WNK1: variants seen among roughly 807,000 people sequenced by gnomAD.
WNK1 encodes the protein serine/threonine-protein kinase WNK1.
WNK1 carries 38 observed loss-of-function variants against 222.8 expected under a neutral mutation model. The observed-to-expected ratio is 0.17, with a 90% CI of 0.13 to 0.22. The LOEUF is 0.22. Among genes scored for constraint, WNK1 ranks in the 10% least tolerant of loss-of-function variants. The pLI, the probability that WNK1 is intolerant of heterozygous loss-of-function variation, is 1.00. For synonymous variants in WNK1, 1,090 were observed against 1,092.9 expected (o/e 1.00, Z 0.05); for missense variants, 2,348 against 2,918.4 (o/e 0.80, Z 4.50).
chr12:785,071 A>G (rs563307471), intron 1 of WNK1, among the ~76,000 whole-genome samples: 3 of 152,178 alleles, frequency 2.0e-5, no homozygotes, highest in South Asian at 2.1e-4. Flanking sequence ...CATTTATTCT[A>G]TTTTCTTCTA....
chr12:810,125 C>T (rs935327660), intron 1 of WNK1, among the ~76,000 whole-genome samples: 1 of 152,048 alleles, frequency 6.6e-6, no homozygotes, highest in African/African-American at 2.4e-5. Context: ...TGGCACACGC[C>T]TGTAATCCCA....
chr12:861,273 A>T lies in WNK1; in HGVS notation c.1881A>T (p.Val627=), dbSNP rs748687867. The stretch of plus-strand genomic sequence containing the variant: ...CTTCAGCTTCAGTTTCTACACAAGT[A>T]GAACCTGAAGAACCTGAGGCAGATC... The part of the protein sequence containing the change: ...STTSASVSTQ[V]EPEEPEADQH... Residue 627 remains valine, a synonymous_variant, in exon 7 of 28, where the codon GTA becomes GTT. Transcript: ENST00000315939. The T allele has an allele frequency of 9.9e-6, 16 of 1,614,082 alleles. No individual in the cohort carries two copies. Among genetic ancestry groups the T allele is most frequent in the Non-Finnish European group, 1.3e-5 (15 of 1,180,034 alleles).
intron 1 of WNK1, among the ~76,000 whole-genome samples, chr12:804,644 A>AT (rs1276028292): frequency 2.0e-5 from 3 of 152,102 alleles, no homozygotes; most frequent in African/African-American, 7.2e-5. Context: ...AAGTGTTGGG[A>AT]TTACAGGCGT....
rs1404556400 is a variant in WNK1, at chr12:867,961, ACCACCTC to A, written c.2140-3297_2140-3291del. On this transcript the variant is annotated intron_variant, in intron 8 of 27. Coordinates refer to ENST00000315939, the MANE Select transcript of WNK1 (RefSeq NM_018979.4). ...TTCATGAACGTCCAGTTTCTTTTTCACCACCTCCCACCTGCCCACCGAAAGTAGCCAT... is the reference window on the plus strand; with the variant it reads ...TTCATGAACGTCCAGTTTCTTTTTCACCACCTGCCCACCGAAAGTAGCCAT... The A allele has an allele frequency of 6.2e-7, 1 of 1,613,738 alleles. No homozygotes were observed.
chr12:829,934 T>A, intron 3 of WNK1, 69 bp from the exon 4 acceptor site: 1 of 1,572,410 alleles, frequency 6.4e-7, no homozygotes, highest in Non-Finnish European at 8.8e-7. Context: ...ACCCCTCTGC[T>A]TCTCACCCCG....
intron 21 of WNK1, among the ~76,000 whole-genome samples, chr12:889,835 T>G (rs1235313853): frequency 6.6e-6 from 1 of 152,268 alleles, no homozygotes; most frequent in East Asian, 1.9e-4. Flanking sequence ...AATAATAATG[T>G]TTTGATTGAA....
chr12:857,826 A>G (rs1023247421), intron 5 of WNK1, among the ~76,000 whole-genome samples: 2 of 152,206 alleles, frequency 1.3e-5, no homozygotes, highest in Non-Finnish European at 2.9e-5. Flanking sequence ...TAGCTGATTC[A>G]TCACCCGTCA....
intron 4 of WNK1, among the ~76,000 whole-genome samples, chr12:835,012 T>C (rs1949073671): frequency 6.6e-6 from 1 of 152,224 alleles, no homozygotes; most frequent in Admixed American, 6.5e-5. Context: ...ATTACATACT[T>C]CTTTCTTGTG....
At chr12:824,865 CT>C (rs141495364) in intron 2 of WNK1, among the ~76,000 whole-genome samples, 8,074 of 152,174 alleles carry the variant, frequency 0.053, 417 homozygotes, top group African/African-American at 0.11. Context: ...TTGTTACTAA[CT>C]TTTTGCATCA....
rs1953396123 is a variant in WNK1 at position 883,760 on chromosome 12, T to C, written c.3664-14T>C. The stretch of plus-strand genomic sequence containing the variant: ...GCATTTGAGAATGTATTTAATCACT[T>C]TTGTTTGTTGTAGAAATTGGAAGGA... On this transcript the variant is annotated splice_polypyrimidine_tract_variant and intron_variant, in intron 16 of 27. Coordinates refer to ENST00000315939, the MANE Select transcript of WNK1 (RefSeq NM_018979.4). 1.9e-6 allele frequency: 3 copies of C among 1,613,986 alleles called. No individual in the cohort carries two copies. Among genetic ancestry groups the C allele is most frequent in the Non-Finnish European group, 2.5e-6 (3 of 1,179,962 alleles).
Position 909,569 on chromosome 12 carries a change from ATT to A in WNK1, c.*778_*779del, listed in dbSNP as rs1244460248. The A allele has an allele frequency of 6.6e-6, 1 of 152,248 alleles. No homozygotes were observed. The highest frequency in any genetic ancestry group is 1.5e-5 in the Non-Finnish European group (1 of 68,052). 9.4% of individuals were successfully genotyped at this position (152,248 alleles called of 1,614,324 possible). ...AAAAAGCTAGCTCTGTCCTTTACTT[ATT>A]GAGACACTTTAACTTTTTCCTTTGT... On this transcript the variant is annotated 3_prime_UTR_variant, in exon 28 of 28. Transcript: ENST00000315939.
intron 1 of WNK1, among the ~76,000 whole-genome samples, chr12:758,626 T>G (rs1423218234): frequency 6.8e-6 from 1 of 146,896 alleles, no homozygotes; most frequent in Non-Finnish European, 1.5e-5. Context: ...TCTTAAAATA[T>G]CTAATTGAAC....
chr12:822,336 G>T (rs1366320916), intron 2 of WNK1, among the ~76,000 whole-genome samples: 1 of 151,892 alleles, frequency 6.6e-6, no homozygotes, highest in East Asian at 1.9e-4. Context: ...TTGTGGTCCT[G>T]CCCACCTCAG....
At chr12:819,230 T>A (rs1947637433) in intron 2 of WNK1, among the ~76,000 whole-genome samples, 1 of 152,186 alleles carries the variant, frequency 6.6e-6, no homozygotes, top group Non-Finnish European at 1.5e-5. Flanking sequence ...TCTTTATATA[T>A]TTTAGAAATT....
At chr12:835,056 C>T (rs890775208) in intron 4 of WNK1, among the ~76,000 whole-genome samples, 3 of 152,192 alleles carry the variant, frequency 2.0e-5, no homozygotes, top group Admixed American at 6.5e-5. Context: ...TGTAGGCTCA[C>T]GCCTGTAATC....
rs762980863 is a variant in WNK1, at chr12:830,180, AT to A, written c.1311+22del. 6.2e-7 allele frequency: 1 copy of A among 1,613,634 alleles called. No individual in the cohort carries two copies. The highest frequency in any genetic ancestry group is 2.2e-5 in the East Asian group (1 of 44,892). On this transcript the variant is annotated intron_variant, in intron 4 of 27. Transcript: ENST00000315939. Reference sequence around the variant, plus strand: ...ACCAGTGTAAGTCTTCCCCTAACTGATTGTTGAACTTGGGGCATATCTAACA... The same window carrying A: ...ACCAGTGTAAGTCTTCCCCTAACTGATGTTGAACTTGGGGCATATCTAACA...
chr12:911,436 A>AAACT lies in WNK1; in HGVS notation c.*2645_*2648dup. ...TTTAATGAAACCATTCAAATAAACC[A>AAACT]AACTTGCTTTTGTTGAGCTGTGGGG... is the stretch of plus-strand genomic sequence containing the variant. On this transcript the variant is annotated 3_prime_UTR_variant, in exon 28 of 28. Transcript: ENST00000315939. 1 of 398,612 alleles carries AAACT rather than the reference A, an allele frequency of 2.5e-6. No homozygotes were observed. Among genetic ancestry groups the AAACT allele is most frequent in the Non-Finnish European group, 4.4e-6 (1 of 226,054 alleles). 24.7% of individuals were successfully genotyped at this position (398,612 alleles called of 1,614,324 possible).
At chr12:808,986 A>T (rs1305264681) in intron 1 of WNK1, among the ~76,000 whole-genome samples, 2 of 149,826 alleles carry the variant, frequency 1.3e-5, no homozygotes, top group Admixed American at 6.6e-5. Context: ...CTGGTCTTGA[A>T]CTCCTGACCT....
chr12:761,659 C>G (rs539174095), intron 1 of WNK1, among the ~76,000 whole-genome samples: 4 of 147,824 alleles, frequency 2.7e-5, no homozygotes, highest in Non-Finnish European at 6.1e-5. Context: ...TGCACATTCT[C>G]TGTTACTAGA....
Sources: gnomAD v4.1 joint callset for allele counts (sites outside exome capture counted in the v4.1 genomes callset) on GRCh38, gnomAD v4.1.1 for gene constraint, MANE v1.5 for transcripts, NCBI Gene and HGNC (gene_info 2026-07-23, HGNC 2026-07-21) for gene names.